The following TRPC3 variants were observed in gnomAD, a reference collection of about 807,000 sequenced individuals.
TRPC3 encodes short transient receptor potential channel 3.
Under a neutral mutation model 90.9 loss-of-function variants are expected in TRPC3, and 54 were observed. The observed-to-expected ratio is 0.59, with a 90% CI of 0.48 to 0.75. The LOEUF is 0.75. TRPC3 is among the 30% of genes least tolerant of loss of function. The pLI, the probability that TRPC3 is intolerant of heterozygous loss-of-function variation, is 0.00. For synonymous variants in TRPC3, 424 were observed against 450.9 expected, an observed-to-expected ratio of 0.94 and a Z score of 0.75; for missense variants, 918 against 1,194.5, an observed-to-expected ratio of 0.77 and a Z score of 3.41.
chr4:121,924,378 A>T (rs916924889), intron 3 of TRPC3, among the ~76,000 whole-genome samples: 2 of 152,202 alleles, frequency 1.3e-5, no homozygotes, highest in Non-Finnish European at 2.9e-5. Context: ...GAGATAGATA[A>T]GAGATATTAT....
intron 10 of TRPC3, among the ~76,000 whole-genome samples, chr4:121,898,066 C>T (rs1453049780): frequency 1.3e-5 from 2 of 152,016 alleles, no homozygotes; most frequent in East Asian, 3.8e-4. Flanking sequence ...AGTTAAGCAC[C>T]GCATGTTCTA....
At position 121,875,279 on chromosome 4, in the gene TRPC3, T is replaced by C. The variant is rs764846818; in HGVS notation, c.*4457A>G. 1.3e-5 allele frequency among the ~76,000 whole-genome samples: 2 copies of C among 152,214 alleles called. No homozygotes were observed. The highest frequency in any genetic ancestry group is 2.9e-5 in the Non-Finnish European group (2 of 68,028). ...ATTTTAAAACAGTGAAATGAGGCTA[T>C]GATATAGCATCAAAACAATACAAAA... is the stretch of plus-strand genomic sequence containing the variant. On this transcript the variant is annotated 3_prime_UTR_variant, in exon 12 of 12. Coordinates refer to ENST00000379645, the MANE Select transcript of TRPC3 (RefSeq NM_001130698.2).
At position 121,876,579 on chromosome 4, in the gene TRPC3, TAAATA is replaced by T. The variant is rs2149100130; in HGVS notation, c.*3152_*3156del. 6.6e-6 allele frequency among the ~76,000 whole-genome samples: 1 copy of T among 152,356 alleles called. No homozygotes were observed. The highest frequency in any genetic ancestry group is 2.4e-5 in the African/African-American group (1 of 41,580). The stretch of plus-strand genomic sequence containing the variant: ...TCACTTGGCTTGCACATTTGAAATA[TAAATA>T]TATTGACATATTGGGTAAGATAGTT... On this transcript the variant is annotated 3_prime_UTR_variant, in exon 12 of 12. Coordinates refer to ENST00000379645, the MANE Select transcript of TRPC3 (RefSeq NM_001130698.2).
chr4:121,949,054 C>T (rs57921277), intron 1 of TRPC3, among the ~76,000 whole-genome samples: 547 of 152,200 alleles, frequency 3.6e-3, no homozygotes, highest in African/African-American at 0.013. Flanking sequence ...GCTTGAGAAA[C>T]GCTTGAATTG....
Position 121,951,241 on chromosome 4 carries a change from CCACGCACTCGGCAGCCCCTGT to C in TRPC3, c.215+204_215+224del, listed in dbSNP as rs1241305479. Among the ~76,000 whole-genome samples, 1 of 152,190 alleles carries C rather than the reference CCACGCACTCGGCAGCCCCTGT, an allele frequency of 6.6e-6. No homozygotes were observed. The highest frequency in any genetic ancestry group is 1.9e-4 in the East Asian group (1 of 5,172). ...TGCTTGAGCCTGGACAGAGCCCCTG[CCACGCACTCGGCAGCCCCTGT>C]GTCCCTCCACCGCGCGGGACCGAGG... On this transcript the variant is annotated intron_variant, in intron 1 of 11. Coordinates refer to ENST00000379645, the MANE Select transcript of TRPC3 (RefSeq NM_001130698.2). This position sits in a 1 kb window ranked among gnomAD's most constrained non-coding sequence, Gnocchi z 4.4.
In TRPC3 at chr4:121,932,769, G is replaced by A. The variant is rs200026421; in HGVS notation, c.489C>T (p.Thr163=). The A allele has an allele frequency of 1.4e-5, 22 of 1,613,392 alleles. No homozygotes were observed. The highest frequency in any genetic ancestry group is 2.2e-5 in the East Asian group (1 of 44,862). ...GGTTCTCCTTCTTGAGCAGCAGCTC[G>A]GTCACCTCCAGGTGCTCGTTGCCCA... ...LAVGNEHLEV[T]ELLLKKENLA... The change falls in exon 2 of 12, where the codon ACC becomes ACT. Residue 163 remains threonine, a synonymous_variant. Coordinates refer to ENST00000379645, the MANE Select transcript of TRPC3 (RefSeq NM_001130698.2). This position sits in a 1 kb window ranked among gnomAD's most constrained non-coding sequence, Gnocchi z 7.7.
At chr4:121,920,062 A>G (rs1237630767) in intron 3 of TRPC3, among the ~76,000 whole-genome samples, 1 of 152,176 alleles carries the variant, frequency 6.6e-6, no homozygotes, top group African/African-American at 2.4e-5. Flanking sequence ...AAACAAAATT[A>G]GTGTTTTTGC....
chr4:121,897,647 C>A (rs1438422460), intron 10 of TRPC3, among the ~76,000 whole-genome samples: 4 of 147,274 alleles, frequency 2.7e-5, no homozygotes, highest in African/African-American at 2.5e-5. Context: ...ATCAAAAAGA[C>A]AAAAAAAAAA....
chr4:121,918,311 T>C (rs1729389784), intron 3 of TRPC3, among the ~76,000 whole-genome samples: 1 of 152,220 alleles, frequency 6.6e-6, no homozygotes, highest in Non-Finnish European at 1.5e-5. Flanking sequence ...TCAGGCATTC[T>C]ATTGTAACAA....
Position 121,932,187 on chromosome 4 carries a change from A to C in TRPC3, c.987+84T>G, listed in dbSNP as rs1729955446. 6.5e-7 allele frequency: 1 copy of C among 1,549,410 alleles called. No individual in the cohort carries two copies. On this transcript the variant is annotated intron_variant, in intron 2 of 11. Transcript: ENST00000379645. The surrounding 1 kb of genome is among the most constrained non-coding windows in gnomAD (Gnocchi z 7.7). ...ATTCACTGGGCAAAACCGAATGTGGAGCGAACGGTGGCAGAGCAGGCCAGG... is the reference window on the plus strand; with the variant it reads ...ATTCACTGGGCAAAACCGAATGTGGCGCGAACGGTGGCAGAGCAGGCCAGG...
rs2149161882 is a variant in TRPC3, at chr4:121,951,850, A to G, written c.-170T>C. The G allele has an allele frequency of 2.2e-6, 1 of 451,156 alleles. No homozygotes were observed. Among genetic ancestry groups the G allele is most frequent in the East Asian group, 3.6e-5 (1 of 27,442 alleles). The allele number at this position is 451,156 out of a possible 1,614,324, so 27.9% of individuals were successfully genotyped here. A position where few individuals can be genotyped will look rare whatever the true frequency, so the allele number is the denominator to read the frequency against. ...AGAGCGTCGCGGCCCGCGATCCAGC[A>G]GTTAGAGGCTAGCGCCGAAGCCGAG... On this transcript the variant is annotated 5_prime_UTR_variant, in exon 1 of 12. Transcript: ENST00000379645. This position sits in a 1 kb window ranked among gnomAD's most constrained non-coding sequence, Gnocchi z 4.4.
At chr4:121,927,149 A>G (rs1486166499) in intron 2 of TRPC3, among the ~76,000 whole-genome samples, 1 of 152,216 alleles carries the variant, frequency 6.6e-6, no homozygotes, top group Non-Finnish European at 1.5e-5. Context: ...AGAATTCAGT[A>G]CCTGAGAGAA....
At chr4:121,907,182 A>G (rs959247515) in intron 7 of TRPC3, 121 bp downstream of exon 7, 9 of 959,378 alleles carry the variant, frequency 9.4e-6, no homozygotes, top group Non-Finnish European at 1.4e-5. Context: ...ACTGTTTTTG[A>G]TGGATTATTT....
In TRPC3 at chr4:121,907,481, C is replaced by T. The variant is rs1257675194; in HGVS notation, c.1879G>A (p.Ala627Thr). Residue 627 changes from alanine to threonine, a missense_variant, in exon 7 of 12, where the codon GCG (alanine) becomes ACG (threonine). Coordinates refer to ENST00000379645, the MANE Select transcript of TRPC3 (RefSeq NM_001130698.2). ...IAVVLSFSRI[A>T]YILPANESFG... Reference sequence around the variant, plus strand: ...CTCTCATTTGCAGGGAGGATGTACGCAATCCGAGAGAAGCTGAGCACAACA... The same window carrying T: ...CTCTCATTTGCAGGGAGGATGTACGTAATCCGAGAGAAGCTGAGCACAACA... 1 of 1,613,228 alleles carries T rather than the reference C, an allele frequency of 6.2e-7. No individual in the cohort carries two copies. Among genetic ancestry groups the T allele is most frequent in the Non-Finnish European group, 8.5e-7 (1 of 1,179,544 alleles).
At chr4:121,900,850 C>T (rs1728676481) in intron 9 of TRPC3, among the ~76,000 whole-genome samples, 2 of 152,104 alleles carry the variant, frequency 1.3e-5, no homozygotes, top group Admixed American at 1.3e-4. Context: ...AGTCGAGGAA[C>T]AAGCCTCCTG....
intron 10 of TRPC3, among the ~76,000 whole-genome samples, chr4:121,890,145 G>A (rs1385314338): frequency 6.6e-6 from 1 of 152,170 alleles, no homozygotes; most frequent in African/African-American, 2.4e-5. Flanking sequence ...TAGAATAGTG[G>A]CTACCAGAAG....
intron 2 of TRPC3, 46 bp from the exon 3 acceptor site, chr4:121,925,252 A>T: frequency 6.4e-7 from 1 of 1,559,802 alleles, no homozygotes; most frequent in Non-Finnish European, 8.7e-7. Context: ...ATTTGCTTTT[A>T]TTCAGTGGAA....
In TRPC3 at chr4:121,874,762, AC is replaced by A. The variant is rs1727720986; in HGVS notation, c.*4973del. On this transcript the variant is annotated 3_prime_UTR_variant, in exon 12 of 12. Transcript: ENST00000379645. The stretch of plus-strand genomic sequence containing the variant: ...ATAGTCTGAGATACTGAAGGCGAGG[AC>A]TTTAACATGAGTTTTGAGGGGACAC... Among the ~76,000 whole-genome samples, 1 of 152,198 alleles carries A rather than the reference AC, an allele frequency of 6.6e-6. No individual in the cohort carries two copies.
At chr4:121,941,826 T>TA in intron 1 of TRPC3, among the ~76,000 whole-genome samples, 1 of 152,244 alleles carries the variant, frequency 6.6e-6, no homozygotes, top group South Asian at 2.1e-4. Flanking sequence ...TTAATATATA[T>TA]TTTTTGGAGG....
Sources: gnomAD v4.1 joint callset for allele counts (sites outside exome capture counted in the v4.1 genomes callset) on GRCh38, gnomAD v4.1.1 for gene constraint, Gnocchi (gnomAD v3.1) non-coding constraint, MANE v1.5 for transcripts, NCBI Gene and HGNC (gene_info 2026-07-23, HGNC 2026-07-21) for gene names.